MRPL45: variants seen among roughly 807,000 people sequenced by gnomAD.
The protein encoded by MRPL45 is large ribosomal subunit protein mL45.
In MRPL45, 20 loss-of-function variants were observed where a neutral mutation model predicts 38.1. The observed-to-expected ratio is 0.53, with a 90% CI of 0.37 to 0.76. MRPL45 has a LOEUF of 0.76. MRPL45 is among the 30% of genes least tolerant of loss of function. The pLI is 0.00. For missense variants in MRPL45, 337 were observed against 395.6 expected, an observed-to-expected ratio of 0.85 and a Z score of 1.26; for synonymous variants, 105 against 128.8, an observed-to-expected ratio of 0.82 and a Z score of 1.25.
intron 4 of MRPL45, among the ~76,000 whole-genome samples, chr17:38,317,487 G>A (rs369129090): frequency 2.6e-5 from 4 of 152,114 alleles, no homozygotes; most frequent in African/African-American, 9.7e-5. Context: ...ATGGCCTTAG[G>A]TTTGAGACTC....
Position 38,320,560 on chromosome 17 carries a change from A to G in MRPL45, c.511-58A>G. On this transcript the variant is annotated intron_variant, in intron 5 of 7. Transcript: ENST00000613675. ...CAGGAAGTGAGAGCAGTGTGGCAGC[A>G]CCAGCTTCCTTAAAGGGAGGGAAAA... 2.5e-6 allele frequency: 4 copies of G among 1,581,186 alleles called. No individual in the cohort carries two copies. The South Asian group carries it at 4.5e-5, about 18-fold the overall frequency.
intron 4 of MRPL45, among the ~76,000 whole-genome samples, chr17:38,307,833 A>G (rs577972021): frequency 2.3e-4 from 25 of 106,410 alleles, no homozygotes; most frequent in Non-Finnish European, 4.8e-4. Flanking sequence ...ATTTAATTTT[A>G]CTTTTATTTC....
rs2037203980 is a variant in MRPL45, at chr17:38,319,002, TTTATTTATTTA to T, written c.510+270_510+280del. Among the ~76,000 whole-genome samples, 8 of 53,292 alleles carry T rather than the reference TTTATTTATTTA, an allele frequency of 1.5e-4. No homozygotes were observed. In the South Asian group the frequency reaches 2.5e-3, roughly 17 times the overall value. The allele number at this position is 53,292 out of a possible 152,430, so 35.0% of individuals were successfully genotyped here. A position where few individuals can be genotyped will look rare whatever the true frequency, so the allele number is the denominator to read the frequency against. On this transcript the variant is annotated intron_variant, in intron 5 of 7. Coordinates refer to ENST00000613675, the MANE Select transcript of MRPL45 (RefSeq NM_032351.6). ...GCCACCATGCCCAGCTAATTTTTTA[TTTATTTATTTA>T]TTTATTTATTTATTTATTTATTTAT...
At position 38,322,846 on chromosome 17, in the gene MRPL45, T is replaced by C; in HGVS notation, c.*251T>C. On this transcript the variant is annotated 3_prime_UTR_variant, in exon 8 of 8. Coordinates refer to ENST00000613675, the MANE Select transcript of MRPL45 (RefSeq NM_032351.6). ...GCTTCTGAGTCTAGATGAAAGACAG[T>C]ATGTTTCAGAGAACATTGGATATCA... The C allele has an allele frequency of 2.1e-6, 1 of 481,894 alleles. No individual in the cohort carries two copies. Among genetic ancestry groups the C allele is most frequent in the Non-Finnish European group, 3.7e-6 (1 of 271,824 alleles). 29.9% of individuals were successfully genotyped at this position (481,894 alleles called of 1,614,324 possible). A position where few individuals can be genotyped will look rare whatever the true frequency, so the allele number is the denominator to read the frequency against.
chr17:38,315,334 C>T (rs964621253), intron 4 of MRPL45, among the ~76,000 whole-genome samples: 4 of 152,176 alleles, frequency 2.6e-5, no homozygotes, highest in African/African-American at 9.7e-5. Context: ...AGCTGCACTG[C>T]AGCCTCAACC....
chr17:38,318,360 C>T (rs999933202), intron 4 of MRPL45, among the ~76,000 whole-genome samples: 3 of 151,696 alleles, frequency 2.0e-5, no homozygotes, highest in African/African-American at 7.3e-5. Flanking sequence ...GTCCTATGTC[C>T]CAGTGAGGGT....
At chr17:38,310,549 G>A (rs559235382) in intron 4 of MRPL45, among the ~76,000 whole-genome samples, 5 of 152,164 alleles carry the variant, frequency 3.3e-5, no homozygotes, top group South Asian at 2.1e-4. Context: ...GGCTGGTCTC[G>A]AACTCCTGAC....
At chr17:38,304,514 G>A (rs1011273127) in intron 3 of MRPL45, among the ~76,000 whole-genome samples, 1 of 152,126 alleles carries the variant, frequency 6.6e-6, no homozygotes, top group Non-Finnish European at 1.5e-5. Flanking sequence ...AATAATAAAA[G>A]CACTGCTCTG....
At chr17:38,309,390 C>T (rs2037087560) in intron 4 of MRPL45, among the ~76,000 whole-genome samples, 2 of 151,468 alleles carry the variant, frequency 1.3e-5, no homozygotes, top group African/African-American at 2.4e-5. Context: ...TGTGGTGGTG[C>T]ATGTGTGTAA....
intron 4 of MRPL45, among the ~76,000 whole-genome samples, chr17:38,315,826 G>A (rs2037167790): frequency 6.6e-6 from 1 of 151,066 alleles, no homozygotes; most frequent in Non-Finnish European, 1.5e-5. Context: ...AGGCTGGAGT[G>A]CAGTGGCCCG....
At chr17:38,307,862 A>G (rs1419529648) in intron 4 of MRPL45, among the ~76,000 whole-genome samples, 5 of 151,930 alleles carry the variant, frequency 3.3e-5, no homozygotes, top group Admixed American at 1.3e-4. Flanking sequence ...AAATTTATTT[A>G]TTTTGAATAG....
At chr17:38,321,753 G>A (rs1391740978) in intron 6 of MRPL45, among the ~76,000 whole-genome samples, 4 of 151,938 alleles carry the variant, frequency 2.6e-5, no homozygotes, top group African/African-American at 9.7e-5. Flanking sequence ...GTGGCAGGCT[G>A]GGTGCAGTGG....
In MRPL45 at chr17:38,322,822, C is replaced by A; in HGVS notation, c.*227C>A. The A allele has an allele frequency of 1.9e-6, 1 of 524,868 alleles. No individual in the cohort carries two copies. Among genetic ancestry groups the A allele is most frequent in the South Asian group, 2.7e-5 (1 of 36,370 alleles). 32.5% of individuals were successfully genotyped at this position (524,868 alleles called of 1,614,324 possible). Reference sequence around the variant, plus strand: ...CTTCTTTTTTAAATTTTATGTCTAGCTTCTGAGTCTAGATGAAAGACAGTA... The same window carrying A: ...CTTCTTTTTTAAATTTTATGTCTAGATTCTGAGTCTAGATGAAAGACAGTA... On this transcript the variant is annotated 3_prime_UTR_variant, in exon 8 of 8. Coordinates refer to ENST00000613675, the MANE Select transcript of MRPL45 (RefSeq NM_032351.6).
chr17:38,309,630 A>G (rs1423665986), intron 4 of MRPL45, among the ~76,000 whole-genome samples: 1 of 147,834 alleles, frequency 6.8e-6, no homozygotes, highest in Non-Finnish European at 1.5e-5. Context: ...TTTATTTTTT[A>G]GTTTTTTTTG....
At chr17:38,321,320 A>C (rs2037227505) in intron 6 of MRPL45, among the ~76,000 whole-genome samples, 1 of 152,178 alleles carries the variant, frequency 6.6e-6, no homozygotes, top group South Asian at 2.1e-4. Context: ...CTGTCAAAGA[A>C]CTTGTAAGAA....
chr17:38,311,411 GGT>G (rs1176467457), intron 4 of MRPL45, among the ~76,000 whole-genome samples: 3 of 152,164 alleles, frequency 2.0e-5, no homozygotes, highest in African/African-American at 7.2e-5. Flanking sequence ...CGGGGATCCA[GGT>G]GTGGTGGTTC....
At chr17:38,299,605 C>T in intron 3 of MRPL45, 137 bp downstream of exon 3, 1 of 592,662 alleles carries the variant, frequency 1.7e-6, no homozygotes, top group Non-Finnish European at 2.9e-6. Flanking sequence ...CTCCTTTGTA[C>T]TAGAGTCTGT....
chr17:38,309,274 T>G (rs1255846292), intron 4 of MRPL45, among the ~76,000 whole-genome samples: 1 of 145,016 alleles, frequency 6.9e-6, no homozygotes, highest in Non-Finnish European at 1.5e-5. Flanking sequence ...CCCAGCGCTT[T>G]GGGAGGCCAA....
At chr17:38,320,971 C>G in intron 6 of MRPL45, among the ~76,000 whole-genome samples, 1 of 97,252 alleles carries the variant, frequency 1.0e-5, no homozygotes, top group Non-Finnish European at 2.6e-5. Context: ...CTCTCCCACT[C>G]TTCCTGATTT....
Sources: gnomAD v4.1 joint callset for allele counts (sites outside exome capture counted in the v4.1 genomes callset) on GRCh38, gnomAD v4.1.1 for gene constraint, MANE v1.5 for transcripts, NCBI Gene and HGNC (gene_info 2026-07-23, HGNC 2026-07-21) for gene names.